Variants in SPAG17 observed in about 807,000 individuals in gnomAD.
SPAG17 encodes the protein sperm associated antigen 17.
In SPAG17, 169 loss-of-function variants were observed where a neutral mutation model predicts 273.6. The ratio of observed to expected loss-of-function variants is 0.62; its 90% confidence interval spans 0.55 to 0.70. SPAG17 has a LOEUF of 0.70. SPAG17 is among the 30% of genes least tolerant of loss of function. The pLI is 0.00. For synonymous variants in SPAG17, 825 were observed against 873.2 expected, an observed-to-expected ratio of 0.94 and a Z score of 0.97; for missense variants, 2,557 against 2,627.8, an observed-to-expected ratio of 0.97 and a Z score of 0.59.
chr1:118,015,850 C>T, intron 29 of SPAG17, 115 bp downstream of exon 29: 1 of 886,780 alleles, frequency 1.1e-6, no homozygotes, highest in South Asian at 1.7e-5. Flanking sequence ...ATCCATCCAT[C>T]CACTACTTAA....
At chr1:118,047,618 T>C (rs566230597) in intron 20 of SPAG17, among the ~76,000 whole-genome samples, 1 of 152,268 alleles carries the variant, frequency 6.6e-6, no homozygotes, top group South Asian at 2.1e-4. Flanking sequence ...GTCTGGCTCA[T>C]GCAGATCCGG....
chr1:118,021,741 G>C (rs781176376), intron 28 of SPAG17, among the ~76,000 whole-genome samples: 3 of 152,076 alleles, frequency 2.0e-5, no homozygotes, highest in Non-Finnish European at 4.4e-5. Context: ...ATCTTGGATG[G>C]AAGGGCTGTG....
rs550624810 is a variant in SPAG17 at position 118,071,049 on chromosome 1, C to T, written c.2385+2805G>A. On this transcript the variant is annotated intron_variant, in intron 17 of 48. Transcript: ENST00000336338. The stretch of plus-strand genomic sequence containing the variant: ...TTTTTTTCATGGAGAATTTAAATGG[C>T]CCAAGAAAACAGAACTGACATACCA... Among the ~76,000 whole-genome samples the T allele has an allele frequency of 5.3e-5, 8 of 151,770 alleles. No individual in the cohort carries two copies. In the South Asian group the frequency reaches 1.7e-3, roughly 32 times the overall value.
intron 4 of SPAG17, among the ~76,000 whole-genome samples, chr1:118,113,438 A>C (rs1656889722): frequency 3.9e-5 from 6 of 152,160 alleles, no homozygotes; most frequent in Admixed American, 3.3e-4. Context: ...GGTTGAAATG[A>C]ACATCAATGA....
Position 117,992,483 on chromosome 1 carries a change from G to C in SPAG17, c.5344C>G (p.Leu1782Val). ...TCCATTACCTTAAGGGAAACCTGCA[G>C]CCTCAGTTTCACCTCATTCTTTATG... is the stretch of plus-strand genomic sequence containing the variant. ...EVIKNEVKLR[L>V]QVSLKDYINY... The change falls in exon 36 of 49, where the codon CTG (leucine) becomes GTG (valine). Residue 1782 changes from leucine (L) to valine (V), a missense_variant. Physicochemically the swap from Leu to Val is conservative, Grantham distance 32. Transcript: ENST00000336338. 6.2e-7 allele frequency: 1 copy of C among 1,610,160 alleles called. No homozygotes were observed. The highest frequency in any genetic ancestry group is 8.5e-7 in the Non-Finnish European group (1 of 1,178,708).
chr1:118,039,547 A>G, intron 22 of SPAG17, 103 bp from the exon 23 acceptor site: 1 of 1,194,442 alleles, frequency 8.4e-7, no homozygotes, highest in Non-Finnish European at 1.2e-6. Flanking sequence ...ACACACGAAC[A>G]GAAAACCAAA....
intron 48 of SPAG17, chr1:117,957,167 T>C: frequency 6.2e-7 from 1 of 1,612,338 alleles, no homozygotes; most frequent in South Asian, 1.1e-5. Context: ...ATGTTGAACT[T>C]ATATGCCGGT....
chr1:118,048,341 C>A (rs920909377), intron 20 of SPAG17, among the ~76,000 whole-genome samples: 1 of 151,836 alleles, frequency 6.6e-6, no homozygotes, highest in Non-Finnish European at 1.5e-5. Context: ...CTGGCTGCTG[C>A]GGATTCAGGA....
intron 1 of SPAG17, among the ~76,000 whole-genome samples, chr1:118,158,953 G>A (rs1174682641): frequency 6.6e-6 from 1 of 152,190 alleles, no homozygotes; most frequent in African/African-American, 2.4e-5. Context: ...CAGACCCCTA[G>A]ACAACTTCCT....
chr1:118,059,675 T>G (rs1652076162), intron 18 of SPAG17, among the ~76,000 whole-genome samples: 1 of 152,154 alleles, frequency 6.6e-6, no homozygotes, highest in South Asian at 2.1e-4. Context: ...TATATAATGA[T>G]GTAGTCATTA....
intron 32 of SPAG17, among the ~76,000 whole-genome samples, chr1:117,998,467 A>G (rs990487000): frequency 2.0e-5 from 3 of 152,120 alleles, no homozygotes; most frequent in African/African-American, 7.2e-5. Context: ...GCCCTGTAGT[A>G]CAGCTGAAGT....
At chr1:117,977,316 C>A (rs192536834) in intron 43 of SPAG17, among the ~76,000 whole-genome samples, 11 of 151,998 alleles carry the variant, frequency 7.2e-5, no homozygotes, top group Admixed American at 5.9e-4. Context: ...GCAAGACTCC[C>A]TCTCAAAAAA....
Position 117,981,413 on chromosome 1 carries a change from A to C in SPAG17, c.5873-12T>G. The C allele has an allele frequency of 6.3e-7, 1 of 1,589,506 alleles. No homozygotes were observed. The highest frequency in any genetic ancestry group is 8.5e-7 in the Non-Finnish European group (1 of 1,174,068). ...ATGTGGCTTGAAATCTAGAAAACCC[A>C]AAATGAACCTTATAAAGTGATATTT... On this transcript the variant is annotated splice_polypyrimidine_tract_variant and intron_variant, in intron 42 of 48. Coordinates refer to ENST00000336338, the MANE Select transcript of SPAG17 (RefSeq NM_206996.4).
chr1:117,959,546 A>C, intron 48 of SPAG17: 2 of 1,274,870 alleles, frequency 1.6e-6, no homozygotes, highest in Non-Finnish European at 2.1e-6. Flanking sequence ...ATACCAAATA[A>C]CAGAAGATCG....
intron 4 of SPAG17, among the ~76,000 whole-genome samples, chr1:118,106,880 T>C (rs1259654439): frequency 6.6e-6 from 1 of 152,142 alleles, no homozygotes; most frequent in East Asian, 1.9e-4. Flanking sequence ...GCCACATAAG[T>C]CTCATCCCTT....
intron 4 of SPAG17, among the ~76,000 whole-genome samples, chr1:118,110,334 G>A (rs993170725): frequency 5.3e-5 from 8 of 151,964 alleles, no homozygotes; most frequent in African/African-American, 1.5e-4. Flanking sequence ...TTACAGCTGC[G>A]TAAAGAAGCA....
At chr1:118,178,720 A>G (rs1417170378) in intron 1 of SPAG17, among the ~76,000 whole-genome samples, 1 of 152,002 alleles carries the variant, frequency 6.6e-6, no homozygotes, top group Non-Finnish European at 1.5e-5. Context: ...TAGAACTGAT[A>G]TATTCAGTAA....
intron 3 of SPAG17, among the ~76,000 whole-genome samples, chr1:118,125,245 A>ATATATATATATATATT (rs146004766): frequency 1.3e-5 from 2 of 150,750 alleles, no homozygotes; most frequent in African/African-American, 4.9e-5. Flanking sequence ...ATATATATAT[A>ATATATATATATATATT]TTTTTGACAT....
intron 30 of SPAG17, among the ~76,000 whole-genome samples, 162 bp downstream of exon 30, chr1:118,012,066 C>A (rs563915336): frequency 4.2e-4 from 63 of 151,730 alleles, no homozygotes; most frequent in African/African-American, 1.5e-3. Context: ...ACTACTAAAT[C>A]CTTATAGACC....
Sources: allele counts gnomAD v4.1 joint callset (sites outside exome capture counted in the v4.1 genomes callset), GRCh38; gene constraint gnomAD v4.1.1; transcripts MANE v1.5; gene names NCBI Gene and HGNC (gene_info 2026-07-23, HGNC 2026-07-21).